The following FBXO22 variants were observed in gnomAD, a reference collection of about 807,000 sequenced individuals.
The protein encoded by FBXO22 is F-box only protein 22.
FBXO22 carries 13 observed loss-of-function variants against 37.2 expected under a neutral mutation model. That is an observed-to-expected ratio of 0.35 (90% CI 0.23 to 0.56). FBXO22 has a LOEUF of 0.56. Among genes scored for constraint, FBXO22 ranks in the 20% least tolerant of loss-of-function variants. The probability of loss-of-function intolerance (pLI) is 0.87; values close to 1 mark genes in which losing one functional copy is unlikely to be tolerated. For missense variants in FBXO22, 446 were observed against 509.9 expected, an observed-to-expected ratio of 0.87 and a Z score of 1.21; for synonymous variants, 189 against 189.1, an observed-to-expected ratio of 1.00 and a Z score of 0.00.
In FBXO22 at chr15:75,932,979, T is replaced by C. The variant is rs758812767; in HGVS notation, c.1089T>C (p.Ile363=). The part of the protein sequence containing the change: ...PLFGFFGNGE[I]GCDRIVTGNF... ...TCGGCTTCTTTGGAAATGGAGAAAT[T>C]GGATGTGATCGGATAGTCACTGGGA... The change falls in exon 7 of 7, where the codon ATT becomes ATC. Residue 363 remains isoleucine (I), a synonymous_variant. Coordinates refer to ENST00000308275, the MANE Select transcript of FBXO22 (RefSeq NM_147188.3). The C allele has an allele frequency of 5.6e-6, 9 of 1,614,224 alleles. No individual in the cohort carries two copies. Among genetic ancestry groups the C allele is most frequent in the Non-Finnish European group, 7.6e-6 (9 of 1,180,036 alleles).
Position 75,904,109 on chromosome 15 carries a change from G to A in FBXO22, c.140+6G>A. The A allele has an allele frequency of 6.5e-7, 1 of 1,538,384 alleles. No homozygotes were observed. The highest frequency in any genetic ancestry group is 8.8e-7 in the Non-Finnish European group (1 of 1,139,780). ...GCGTTGCTGCGGGTGGCCTGGTGAG[G>A]AGAGGAGGCGGAGGCGGGAAGCTTG... On this transcript the variant is annotated splice_donor_region_variant and intron_variant, in intron 1 of 6. Coordinates refer to ENST00000308275, the MANE Select transcript of FBXO22 (RefSeq NM_147188.3).
chr15:75,936,665 C>G lies in FBXO22; in HGVS notation c.*3563C>G, dbSNP rs1327393230. 6.6e-6 allele frequency: 1 copy of G among 152,134 alleles called. No homozygotes were observed. The highest frequency in any genetic ancestry group is 2.4e-5 in the African/African-American group (1 of 41,384). 9.4% of individuals were successfully genotyped at this position (152,134 alleles called of 1,614,324 possible). On this transcript the variant is annotated 3_prime_UTR_variant, in exon 7 of 7. Transcript: ENST00000308275. ...TCTCGACTCATTGCAACCTCCACCT[C>G]CTGGGTTCAAGTGATTCTGCTGCCT...
chr15:75,913,056 T>A, intron 2 of FBXO22, 147 bp from the exon 3 acceptor site: 1 of 506,198 alleles, frequency 2.0e-6, no homozygotes, highest in Non-Finnish European at 3.6e-6. Context: ...TTGTTCAGTT[T>A]CCATGTAGTT....
rs763424638 is a variant in FBXO22 at position 75,938,643 on chromosome 15, G to A, written c.*5541G>A. ...AATAAATGAAATTTTCACTACAGGG[G>A]TTCAGCAGCAGATATAAGCAGGTAG... is the stretch of plus-strand genomic sequence containing the variant. On this transcript the variant is annotated 3_prime_UTR_variant, in exon 7 of 7. Coordinates refer to ENST00000308275, the MANE Select transcript of FBXO22 (RefSeq NM_147188.3). 4 of 152,164 alleles carry A rather than the reference G, an allele frequency of 2.6e-5. No individual in the cohort carries two copies. The highest frequency in any genetic ancestry group is 4.4e-5 in the Non-Finnish European group (3 of 68,026). 9.4% of individuals were successfully genotyped at this position (152,164 alleles called of 1,614,324 possible).
intron 3 of FBXO22, 128 bp downstream of exon 3, chr15:75,913,418 G>A: frequency 1.7e-6 from 1 of 580,194 alleles, no homozygotes; most frequent in Non-Finnish European, 3.1e-6. Context: ...CCTGTAGTAT[G>A]CATCAATATA....
rs1239706424 is a variant in FBXO22 at position 75,914,156 on chromosome 15, A to G, written c.414A>G (p.Leu138=). 4 of 1,613,930 alleles carry G rather than the reference A, an allele frequency of 2.5e-6. No homozygotes were observed. Among genetic ancestry groups the G allele is most frequent in the South Asian group, 2.2e-5 (2 of 91,040 alleles). ...SMETALALEK[L]FPKQCQVLGI... is the part of the protein sequence containing the mutation. ...AAACAGCACTTGCCCTTGAGAAGCT[A>G]TTCCCCAAACAATGCCAAGTCCTTG... The change falls in exon 4 of 7, where the codon CTA becomes CTG. Residue 138 remains leucine (L), a synonymous_variant. Coordinates refer to ENST00000308275, the MANE Select transcript of FBXO22 (RefSeq NM_147188.3).
Position 75,935,687 on chromosome 15 carries a change from T to TA in FBXO22, c.*2586dup. ...TTAAAGCAAACCCTAACCCTCAACCTACGAGGCCAGATAGCAAAAGACGTG... is the reference window on the plus strand; with the variant it reads ...TTAAAGCAAACCCTAACCCTCAACCTAACGAGGCCAGATAGCAAAAGACGTG... On this transcript the variant is annotated 3_prime_UTR_variant, in exon 7 of 7. Transcript: ENST00000308275. 1 of 151,470 alleles carries TA rather than the reference T, an allele frequency of 6.6e-6. No individual in the cohort carries two copies. Among genetic ancestry groups the TA allele is most frequent in the South Asian group, 2.1e-4 (1 of 4,784 alleles). The allele number at this position is 151,470 out of a possible 1,614,324, so 9.4% of individuals were successfully genotyped here.
rs1454800923 is a variant in FBXO22 at position 75,935,557 on chromosome 15, A to G, written c.*2455A>G. On this transcript the variant is annotated 3_prime_UTR_variant, in exon 7 of 7. Coordinates refer to ENST00000308275, the MANE Select transcript of FBXO22 (RefSeq NM_147188.3). ...TCCAAGTAAAATCTAAGGAAGAGGG[A>G]AAGTAAACCTTGAAATTAAGACCTA... The G allele has an allele frequency of 6.6e-6, 1 of 151,508 alleles. No homozygotes were observed. The highest frequency in any genetic ancestry group is 1.9e-4 in the East Asian group (1 of 5,182). The allele number at this position is 151,508 out of a possible 1,614,324, so 9.4% of individuals were successfully genotyped here.
chr15:75,923,060 G>C (rs1900362838), intron 5 of FBXO22, among the ~76,000 whole-genome samples: 1 of 152,112 alleles, frequency 6.6e-6, no homozygotes, highest in South Asian at 2.1e-4. Context: ...TTTGTCCAGA[G>C]AGGTGACATA....
At chr15:75,910,177 T>C (rs542221439) in intron 2 of FBXO22, 1 of 152,358 alleles carries the variant, frequency 6.6e-6, no homozygotes, top group Non-Finnish European at 1.5e-5. Context: ...CTGATGGGCA[T>C]TTGAGTTGGT....
intron 2 of FBXO22, among the ~76,000 whole-genome samples, chr15:75,907,699 C>T (rs1041928311): frequency 6.6e-6 from 1 of 152,102 alleles, no homozygotes; most frequent in African/African-American, 2.4e-5. Context: ...AGTTAGAGAA[C>T]AGCCTGGCCA....
chr15:75,917,150 A>T, intron 4 of FBXO22, 80 bp from the exon 5 acceptor site: 1 of 1,017,954 alleles, frequency 9.8e-7, no homozygotes, highest in Non-Finnish European at 1.5e-6. Context: ...TGTTAGCTTA[A>T]TGATTATCTT....
rs2030133451 is a variant in FBXO22, at chr15:75,933,329, CAA to C, written c.*229_*230del. ...TGAGAGCTTTTGCATCAGGCAGAAG[CAA>C]ACTGATTATAGTTGTGTTGCACCAG... On this transcript the variant is annotated 3_prime_UTR_variant, in exon 7 of 7. Coordinates refer to ENST00000308275, the MANE Select transcript of FBXO22 (RefSeq NM_147188.3). 1 of 480,710 alleles carries C rather than the reference CAA, an allele frequency of 2.1e-6. No homozygotes were observed. The highest frequency in any genetic ancestry group is 2.5e-5 in the South Asian group (1 of 40,728). The allele number at this position is 480,710 out of a possible 1,614,324, so 29.8% of individuals were successfully genotyped here. A position where few individuals can be genotyped will look rare whatever the true frequency, so the allele number is the denominator to read the frequency against.
At position 75,933,754 on chromosome 15, in the gene FBXO22, A is replaced by G; in HGVS notation, c.*652A>G. The G allele has an allele frequency of 3.2e-6, 1 of 316,580 alleles. No homozygotes were observed. Among genetic ancestry groups the G allele is most frequent in the Admixed American group, 4.7e-5 (1 of 21,304 alleles). The allele number at this position is 316,580 out of a possible 1,614,324, so 19.6% of individuals were successfully genotyped here. The stretch of plus-strand genomic sequence containing the variant: ...TTTTTTCACCTAGGTCTAAATAGCT[A>G]ACTAACTGGTAGACCAGAGTATTAC... On this transcript the variant is annotated 3_prime_UTR_variant, in exon 7 of 7. Coordinates refer to ENST00000308275, the MANE Select transcript of FBXO22 (RefSeq NM_147188.3).
At position 75,941,776 on chromosome 15, in the gene FBXO22, T is replaced by A. The variant is rs1567063976; in HGVS notation, c.*8674T>A. 1 of 152,094 alleles carries A rather than the reference T, an allele frequency of 6.6e-6. No homozygotes were observed. Among genetic ancestry groups the A allele is most frequent in the Non-Finnish European group, 1.5e-5 (1 of 67,984 alleles). The allele number at this position is 152,094 out of a possible 1,614,324, so 9.4% of individuals were successfully genotyped here. A position where few individuals can be genotyped will look rare whatever the true frequency, so the allele number is the denominator to read the frequency against. ...AGCAGGAGGGAATGGGAATTTATTG[T>A]TTAAGGGGCACAGAGATTAGTGTGG... is the stretch of plus-strand genomic sequence containing the variant. On this transcript the variant is annotated 3_prime_UTR_variant, in exon 7 of 7. Transcript: ENST00000308275.
At position 75,934,237 on chromosome 15, in the gene FBXO22, T is replaced by C. The variant is rs1186876389; in HGVS notation, c.*1135T>C. 6.6e-6 allele frequency: 1 copy of C among 152,228 alleles called. No individual in the cohort carries two copies. The highest frequency in any genetic ancestry group is 2.4e-5 in the African/African-American group (1 of 41,428). The allele number at this position is 152,228 out of a possible 1,614,324, so 9.4% of individuals were successfully genotyped here. On this transcript the variant is annotated 3_prime_UTR_variant, in exon 7 of 7. Coordinates refer to ENST00000308275, the MANE Select transcript of FBXO22 (RefSeq NM_147188.3). ...CCTGTTGCTTGGAATGTGGATCTGG[T>C]AGTGAGCCATCTTGGACCCTGAAGA...
chr15:75,908,058 A>G lies in FBXO22; in HGVS notation c.279+3429A>G, dbSNP rs1354573295. Reference sequence around the variant, plus strand: ...GCTGTCTTAACTGTGCTTTGAGAACATTTCATATTGAGGCTTGTTATGTCA... The same window carrying G: ...GCTGTCTTAACTGTGCTTTGAGAACGTTTCATATTGAGGCTTGTTATGTCA... On this transcript the variant is annotated intron_variant, in intron 2 of 6. Transcript: ENST00000308275. 1.3e-5 allele frequency among the ~76,000 whole-genome samples: 2 copies of G among 152,182 alleles called. 1 individual carries two copies. The highest frequency in any genetic ancestry group is 3.8e-4 in the East Asian group (2 of 5,196).
chr15:75,914,661 T>A (rs1221359886), intron 4 of FBXO22, among the ~76,000 whole-genome samples: 1 of 152,200 alleles, frequency 6.6e-6, no homozygotes, highest in Non-Finnish European at 1.5e-5. Flanking sequence ...TGATTGCTGC[T>A]GGTGAATTTT....
intron 2 of FBXO22, among the ~76,000 whole-genome samples, chr15:75,910,996 C>T (rs905198496): frequency 6.6e-6 from 1 of 152,214 alleles, no homozygotes; most frequent in African/African-American, 2.4e-5. Flanking sequence ...AGCCAGTTTT[C>T]TGAACACCAT....
Sources: gnomAD v4.1 joint callset for allele counts (sites outside exome capture counted in the v4.1 genomes callset) on GRCh38, gnomAD v4.1.1 for gene constraint, MANE v1.5 for transcripts, NCBI Gene and HGNC (gene_info 2026-07-23, HGNC 2026-07-21) for gene names.